RBFOX1: variants seen among roughly 807,000 people sequenced by gnomAD.
RBFOX1 encodes RNA binding protein fox-1 homolog 1.
RBFOX1 carries 8 observed loss-of-function variants against 57.7 expected under a neutral mutation model. The observed-to-expected ratio is 0.14, with a 90% CI of 0.08 to 0.25. The LOEUF is 0.25. Ranked by LOEUF, RBFOX1 falls within the 10% of genes least tolerant of loss-of-function variation. The pLI, the probability that RBFOX1 is intolerant of heterozygous loss-of-function variation, is 1.00. For synonymous variants in RBFOX1, 326 were observed against 222.4 expected (o/e 1.47, Z -4.15); for missense variants, 611 against 548.5 (o/e 1.11, Z -1.14).
chr16:7,293,493 C>T (rs1317491483), intron 4 of RBFOX1, among the ~76,000 whole-genome samples: 1 of 152,128 alleles, frequency 6.6e-6, no homozygotes. Flanking sequence ...ATACATGCAT[C>T]ATTTAGTGGG....
At chr16:5,734,153 T>A (rs1365022614) in intron 3 of RBFOX1, among the ~76,000 whole-genome samples, 1 of 152,110 alleles carries the variant, frequency 6.6e-6, no homozygotes, top group African/African-American at 2.4e-5. Context: ...CTGAGATAGG[T>A]GTCTTGTCTG....
chr16:5,748,704 T>C (rs866544044), intron 3 of RBFOX1, among the ~76,000 whole-genome samples: 1 of 152,220 alleles, frequency 6.6e-6, no homozygotes, highest in Non-Finnish European at 1.5e-5. Context: ...CCCTGCCTTT[T>C]TTGTTTTCCA....
chr16:7,265,704 C>G (rs2095103268), intron 4 of RBFOX1, among the ~76,000 whole-genome samples: 1 of 152,216 alleles, frequency 6.6e-6, no homozygotes, highest in Non-Finnish European at 1.5e-5. Context: ...CTGCCTTAGC[C>G]TCCCAGTGTG....
chr16:7,375,608 C>G (rs1228907536), intron 4 of RBFOX1, among the ~76,000 whole-genome samples: 2 of 151,714 alleles, frequency 1.3e-5, no homozygotes, highest in Non-Finnish European at 2.9e-5. Context: ...TAGTTCTTCC[C>G]AAAAGGTAGA....
At chr16:6,843,195 CTT>C (rs1274427733) in intron 3 of RBFOX1, among the ~76,000 whole-genome samples, 1 of 152,100 alleles carries the variant, frequency 6.6e-6, no homozygotes, top group African/African-American at 2.4e-5. Context: ...GTGGATGTCT[CTT>C]GGGTTTAAAG....
chr16:6,790,217 C>G (rs1042574751), intron 3 of RBFOX1, among the ~76,000 whole-genome samples: 5 of 108,694 alleles, frequency 4.6e-5, no homozygotes, highest in African/African-American at 1.1e-4. Context: ...CAGACTCTCG[C>G]TCTGTCAGCC....
upstream of RBFOX1, among the ~76,000 whole-genome samples, chr16:6,017,673 T>C (rs1020722956): frequency 2.3e-4 from 35 of 152,222 alleles, no homozygotes; most frequent in African/African-American, 8.4e-4. Flanking sequence ...GATGATTAAA[T>C]ATTGCGTGCT....
chr16:7,542,394 G>A lies in RBFOX1; in HGVS notation c.270+24005G>A, dbSNP rs111949280. On this transcript the variant is annotated intron_variant, in intron 5 of 15. Transcript: ENST00000550418. ...CCACCCCACCTCTTCTGGATTACCC[G>A]GGTCTGCAGGTGAAATTCCAGTTGA... is the stretch of plus-strand genomic sequence containing the variant. 7.1e-3 allele frequency among the ~76,000 whole-genome samples: 1,073 copies of A among 152,188 alleles called. 16 individuals are homozygous for A. Among genetic ancestry groups the A allele is most frequent in the African/African-American group, 7.7e-3 (318 of 41,524 alleles).
chr16:6,886,516 G>T (rs1213682434), intron 3 of RBFOX1, among the ~76,000 whole-genome samples: 1 of 152,020 alleles, frequency 6.6e-6, no homozygotes, highest in East Asian at 1.9e-4. Flanking sequence ...ACTTTGAGAG[G>T]CCAAGGCAGG....
At chr16:6,440,119 T>C (rs2094345606) in intron 2 of RBFOX1, among the ~76,000 whole-genome samples, 1 of 151,904 alleles carries the variant, frequency 6.6e-6, no homozygotes, top group Non-Finnish European at 1.5e-5. Flanking sequence ...GTATTTTTAG[T>C]AGAGACGGGG....
chr16:7,374,142 C>T (rs1596766328), intron 4 of RBFOX1, among the ~76,000 whole-genome samples: 1 of 152,144 alleles, frequency 6.6e-6, no homozygotes. Context: ...TACTTTATTG[C>T]AGGTGACAGG....
chr16:7,070,809 G>C (rs1169089970), intron 4 of RBFOX1, among the ~76,000 whole-genome samples: 1 of 152,168 alleles, frequency 6.6e-6, no homozygotes, highest in Non-Finnish European at 1.5e-5. Flanking sequence ...CATTCAGGTG[G>C]TGCGGATTGG....
intron 3 of RBFOX1, among the ~76,000 whole-genome samples, chr16:5,751,639 T>C (rs1273898873): frequency 6.6e-6 from 1 of 152,194 alleles, no homozygotes; most frequent in East Asian, 1.9e-4. Context: ...GTCTCAGGAC[T>C]ACTCTAAAGG....
intron 3 of RBFOX1, among the ~76,000 whole-genome samples, chr16:5,826,487 G>A (rs116826802): frequency 2.2e-4 from 33 of 152,294 alleles, no homozygotes; most frequent in Non-Finnish European, 4.1e-4. Context: ...CTATATGGTC[G>A]CTGTCTCAAT....
chr16:5,806,153 C>G (rs556431716), intron 3 of RBFOX1, among the ~76,000 whole-genome samples: 1 of 152,288 alleles, frequency 6.6e-6, no homozygotes, highest in Admixed American at 6.5e-5. Context: ...CAATTCAGTT[C>G]TCTCATTTTC....
chr16:7,036,757 G>A (rs2044578464), intron 3 of RBFOX1, among the ~76,000 whole-genome samples: 1 of 151,638 alleles, frequency 6.6e-6, no homozygotes, highest in East Asian at 1.9e-4. Context: ...AAAGAATTCA[G>A]GGAAGTCCAT....
chr16:5,479,896 A>C (rs2069465670), intron 2 of RBFOX1, among the ~76,000 whole-genome samples: 1 of 152,178 alleles, frequency 6.6e-6, no homozygotes, highest in Non-Finnish European at 1.5e-5. Flanking sequence ...GCTCAGATGC[A>C]GTGGCACAGA....
At chr16:7,627,504 TG>T (rs1191556687) in intron 10 of RBFOX1, among the ~76,000 whole-genome samples, 1 of 152,216 alleles carries the variant, frequency 6.6e-6, no homozygotes, top group African/African-American at 2.4e-5. Context: ...TGAAGGTTCC[TG>T]GCATTTGGCA....
intron 4 of RBFOX1, among the ~76,000 whole-genome samples, chr16:7,476,064 C>T (rs898196745): frequency 2.0e-5 from 3 of 151,950 alleles, no homozygotes; most frequent in African/African-American, 7.3e-5. Context: ...CTCCTGAGCC[C>T]AAGTGATCCT....
Sources: gnomAD v4.1 joint callset for allele counts (sites outside exome capture counted in the v4.1 genomes callset) on GRCh38, gnomAD v4.1.1 for gene constraint, MANE v1.5 for transcripts, NCBI Gene and HGNC (gene_info 2026-07-23, HGNC 2026-07-21) for gene names.